The following CNOT10 variants were observed in gnomAD, a reference collection of about 807,000 sequenced individuals.
The protein encoded by CNOT10 is CCR4-NOT transcription complex, subunit 10.
CNOT10 carries 30 observed loss-of-function variants against 94.6 expected under a neutral mutation model. The ratio of observed to expected loss-of-function variants is 0.32; its 90% CI spans 0.24 to 0.43. CNOT10 has a LOEUF of 0.43. Ranked by LOEUF, CNOT10 falls within the 20% of genes least tolerant of loss-of-function variation. The pLI, the probability that CNOT10 is intolerant of heterozygous loss-of-function variation, is 1.00. For synonymous variants in CNOT10, 289 were observed against 301.6 expected, an observed-to-expected ratio of 0.96 and a Z score of 0.43; for missense variants, 759 against 877.2, an observed-to-expected ratio of 0.87 and a Z score of 1.70.
At chr3:32,718,016 T>C (rs541203858) in intron 7 of CNOT10, among the ~76,000 whole-genome samples, 67 of 152,160 alleles carry the variant, frequency 4.4e-4, no homozygotes, top group Non-Finnish European at 8.1e-4. Context: ...TCCACCCTAA[T>C]CTTTCATTGA....
At position 32,773,349 on chromosome 3, in the gene CNOT10, C is replaced by T. The variant is rs1559525008; in HGVS notation, c.2081-108C>T. 4 of 1,140,564 alleles carry T rather than the reference C, an allele frequency of 3.5e-6. No individual in the cohort carries two copies. The East Asian group carries it at 7.6e-5, about 22-fold the overall frequency. The allele number at this position is 1,140,564 out of a possible 1,614,324, so 70.7% of individuals were successfully genotyped here. A position where few individuals can be genotyped will look rare whatever the true frequency, so the allele number is the denominator to read the frequency against. On this transcript the variant is annotated intron_variant, in intron 18 of 18. Coordinates refer to ENST00000328834, the MANE Select transcript of CNOT10 (RefSeq NM_015442.3). ...AGTATACAGCCAAGGCTGCAGATGA[C>T]AGCTCTTCTAGATCATCTTTTACCT...
chr3:32,694,850 A>G (rs1696984155), intron 1 of CNOT10, among the ~76,000 whole-genome samples: 1 of 152,040 alleles, frequency 6.6e-6, no homozygotes, highest in South Asian at 2.1e-4. Flanking sequence ...TGGCCTCCCA[A>G]AGAGCTGAGA....
chr3:32,769,969 A>T lies in CNOT10; in HGVS notation c.2080+7A>T. 1 of 1,607,036 alleles carries T rather than the reference A, an allele frequency of 6.2e-7. No individual in the cohort carries two copies. Among genetic ancestry groups the T allele is most frequent in the Non-Finnish European group, 8.5e-7 (1 of 1,173,706 alleles). On this transcript the variant is annotated splice_region_variant and intron_variant, in intron 18 of 18. Coordinates refer to ENST00000328834, the MANE Select transcript of CNOT10 (RefSeq NM_015442.3). ...TACCTTGAACTGCAGAATGGTGAGT[A>T]ATTCTCTCTGTTTAGGACTTTATCC...
chr3:32,772,144 A>T (rs1700933799), intron 18 of CNOT10, among the ~76,000 whole-genome samples: 1 of 152,248 alleles, frequency 6.6e-6, no homozygotes, highest in African/African-American at 2.4e-5. Flanking sequence ...AGGTCAGGAG[A>T]TCGAGACCAT....
At chr3:32,688,156 A>G (rs1696709230) in intron 1 of CNOT10, among the ~76,000 whole-genome samples, 1 of 152,238 alleles carries the variant, frequency 6.6e-6, no homozygotes, top group South Asian at 2.1e-4. Flanking sequence ...TTATTCAGTA[A>G]ATATTCACCA....
At chr3:32,732,166 G>A (rs1170979650) in intron 10 of CNOT10, among the ~76,000 whole-genome samples, 2 of 152,008 alleles carry the variant, frequency 1.3e-5, no homozygotes, top group Non-Finnish European at 2.9e-5. Context: ...CGAGGCGGGC[G>A]GATCACTTGA....
Position 32,703,935 on chromosome 3 carries a change from A to G in CNOT10, c.90A>G (p.Leu30=), listed in dbSNP as rs772429666. 1 of 1,613,426 alleles carries G rather than the reference A, an allele frequency of 6.2e-7. No homozygotes were observed. The highest frequency in any genetic ancestry group is 8.5e-7 in the Non-Finnish European group (1 of 1,179,356). The stretch of plus-strand genomic sequence containing the variant: ...GGATCACTGATCAAGAGAAGGAGTT[A>G]TCCACCAATGCTTTCCAAGCTTTCA... ...SSGITDQEKE[L]STNAFQAFTS... Residue 30 remains leucine, a synonymous_variant, in exon 2 of 19, where the codon TTA becomes TTG. Transcript: ENST00000328834.
chr3:32,743,221 A>G (rs945866430), intron 13 of CNOT10, among the ~76,000 whole-genome samples: 3 of 152,102 alleles, frequency 2.0e-5, no homozygotes, highest in Admixed American at 2.0e-4. Context: ...TCCTGACCGC[A>G]GGTGATCCAT....
At position 32,773,636 on chromosome 3, in the gene CNOT10, C is replaced by T. The variant is rs971983676; in HGVS notation, c.*25C>T. ...ATACTTCACTTTTGGAAAACTGTTA[C>T]CTGAGACCCAGGGGAGAATTTACTG... On this transcript the variant is annotated 3_prime_UTR_variant, in exon 19 of 19. Transcript: ENST00000328834. The T allele has an allele frequency of 6.3e-7, 1 of 1,592,200 alleles. No homozygotes were observed. The highest frequency in any genetic ancestry group is 8.6e-7 in the Non-Finnish European group (1 of 1,168,456).
At position 32,703,897 on chromosome 3, in the gene CNOT10, G is replaced by A; in HGVS notation, c.52G>A (p.Gly18Ser). ...GGGAGCAGAGAAACATGAAGGCACA[G>A]GTCAGTCCTCTGGGATCACTGATCA... ...DQGAEKHEGT[G>S]QSSGITDQEK... Residue 18 changes from glycine (G) to serine (S), a missense_variant, in exon 2 of 19, where the codon GGT becomes AGT. Gly to Ser is a moderately conservative substitution (Grantham distance 56, BLOSUM62 0). Coordinates refer to ENST00000328834, the MANE Select transcript of CNOT10 (RefSeq NM_015442.3). 1 of 1,613,784 alleles carries A rather than the reference G, an allele frequency of 6.2e-7. No individual in the cohort carries two copies. Among genetic ancestry groups the A allele is most frequent in the Non-Finnish European group, 8.5e-7 (1 of 1,179,750 alleles).
At chr3:32,758,705 A>G (rs1273837151) in intron 13 of CNOT10, among the ~76,000 whole-genome samples, 3 of 152,210 alleles carry the variant, frequency 2.0e-5, no homozygotes, top group Admixed American at 2.0e-4. Flanking sequence ...TTAACATTCA[A>G]GTGATCTATT....
At chr3:32,724,512 C>T (rs1575244172) in intron 8 of CNOT10, among the ~76,000 whole-genome samples, 1 of 148,048 alleles carries the variant, frequency 6.8e-6, no homozygotes, top group African/African-American at 2.5e-5. Context: ...TCCTGGGTTC[C>T]CGCCATTCTC....
At chr3:32,753,958 A>G (rs1018250296) in intron 13 of CNOT10, 1 of 835,624 alleles carries the variant, frequency 1.2e-6, no homozygotes, top group Non-Finnish European at 1.8e-6. Context: ...TTAGCTGGGC[A>G]TGGAGGTGCA....
intron 1 of CNOT10, among the ~76,000 whole-genome samples, chr3:32,701,588 A>G (rs963296051): frequency 2.6e-5 from 4 of 152,048 alleles, no homozygotes; most frequent in African/African-American, 9.7e-5. Context: ...AGTTCTCACT[A>G]GATGTCGTTA....
chr3:32,685,570 G>C, intron 1 of CNOT10, 88 bp downstream of exon 1: 1 of 1,416,732 alleles, frequency 7.1e-7, no homozygotes. Flanking sequence ...GCCCGGGGTG[G>C]GGACTCCAGG....
chr3:32,701,950 G>T (rs1389124305), intron 1 of CNOT10, among the ~76,000 whole-genome samples: 1 of 151,888 alleles, frequency 6.6e-6, no homozygotes, highest in African/African-American at 2.4e-5. Flanking sequence ...CCGCCACCAC[G>T]CCCAGCTAAT....
intron 1 of CNOT10, among the ~76,000 whole-genome samples, chr3:32,691,446 G>A (rs1258973654): frequency 6.6e-6 from 1 of 151,922 alleles, no homozygotes; most frequent in Non-Finnish European, 1.5e-5. Flanking sequence ...ACAGACGTGA[G>A]CCACTGTGCC....
At chr3:32,769,589 G>A in intron 17 of CNOT10, 1 of 279,720 alleles carries the variant, frequency 3.6e-6, no homozygotes, top group Non-Finnish European at 6.9e-6. Context: ...AGATTTTGAT[G>A]TAATTGCAAC....
intron 1 of CNOT10, 129 bp downstream of exon 1, chr3:32,685,611 C>T: frequency 1.0e-6 from 1 of 998,068 alleles, no homozygotes; most frequent in Non-Finnish European, 1.5e-6. Flanking sequence ...CATTTCTTTA[C>T]CCCATCCTCT....
Sources: allele counts gnomAD v4.1 joint callset (sites outside exome capture counted in the v4.1 genomes callset), GRCh38; gene constraint gnomAD v4.1.1; transcripts MANE v1.5; gene names NCBI Gene and HGNC (gene_info 2026-07-23, HGNC 2026-07-21).